The following ATP8A1 variants were observed in gnomAD, a reference collection of about 807,000 sequenced individuals.
The protein encoded by ATP8A1 is ATPase phospholipid transporting 8A1.
Under a neutral mutation model 177.7 loss-of-function variants are expected in ATP8A1, and 90 were observed. The ratio of observed to expected loss-of-function variants is 0.51; its 90% CI spans 0.43 to 0.60. The LOEUF (loss-of-function observed/expected upper bound fraction) is 0.60, where lower values mean the gene tolerates loss of function less well. ATP8A1 is among the 20% of genes least tolerant of loss of function. The pLI is 0.00. For synonymous variants in ATP8A1, 493 were observed against 485.9 expected, an observed-to-expected ratio of 1.01 and a Z score of -0.19; for missense variants, 1,072 against 1,392.8, an observed-to-expected ratio of 0.77 and a Z score of 3.67.
At chr4:42,508,950 A>C (rs1447243448) in intron 22 of ATP8A1, among the ~76,000 whole-genome samples, 1 of 152,272 alleles carries the variant, frequency 6.6e-6, no homozygotes, top group African/African-American at 2.4e-5. Context: ...TGAACAATAA[A>C]GTTAACTATA....
chr4:42,489,601 T>C (rs1362485199), intron 24 of ATP8A1, among the ~76,000 whole-genome samples: 2 of 152,238 alleles, frequency 1.3e-5, no homozygotes, highest in Non-Finnish European at 2.9e-5. Flanking sequence ...TTTTAGTTTA[T>C]AGTTTTCTTT....
intron 22 of ATP8A1, among the ~76,000 whole-genome samples, chr4:42,512,771 C>A (rs1725139018): frequency 6.6e-6 from 1 of 152,090 alleles, no homozygotes; most frequent in African/African-American, 2.4e-5. Context: ...GGCCCTACAC[C>A]CAGAATTCCT....
At chr4:42,627,349 TC>T (rs1738217341) in intron 1 of ATP8A1, among the ~76,000 whole-genome samples, 1 of 152,212 alleles carries the variant, frequency 6.6e-6, no homozygotes, top group Non-Finnish European at 1.5e-5. Context: ...ACATCAACTT[TC>T]CATTTCCCCC....
intron 21 of ATP8A1, 50 bp downstream of exon 21, chr4:42,524,711 GTA>G: frequency 8.5e-7 from 1 of 1,172,840 alleles, no homozygotes; most frequent in South Asian, 1.3e-5. Flanking sequence ...GGTATCAGAA[GTA>G]TATGATTTCT....
chr4:42,652,615 G>T (rs1741206477), intron 1 of ATP8A1, among the ~76,000 whole-genome samples: 1 of 151,964 alleles, frequency 6.6e-6, no homozygotes, highest in African/African-American at 2.4e-5. Flanking sequence ...ATCTTAAATT[G>T]TTGCTCCCAT....
chr4:42,443,503 G>A (rs1716858718), intron 33 of ATP8A1, 62 bp downstream of exon 33: 2 of 739,938 alleles, frequency 2.7e-6, no homozygotes, highest in Non-Finnish European at 4.9e-6. Context: ...AACGATTAAG[G>A]TTTGCTAAAA....
At chr4:42,432,163 G>A (rs1351677506) in intron 33 of ATP8A1, among the ~76,000 whole-genome samples, 1 of 152,028 alleles carries the variant, frequency 6.6e-6, no homozygotes, top group Admixed American at 6.5e-5. Context: ...AATCTCAGTG[G>A]ACTGGAAGAT....
intron 1 of ATP8A1, among the ~76,000 whole-genome samples, chr4:42,641,128 A>G (rs1739942052): frequency 6.6e-6 from 1 of 152,072 alleles, no homozygotes; most frequent in Non-Finnish European, 1.5e-5. Flanking sequence ...CAATGACAGG[A>G]TAAGGACACA....
intron 36 of ATP8A1, among the ~76,000 whole-genome samples, chr4:42,413,994 G>A (rs146582478): frequency 5.3e-5 from 8 of 152,356 alleles, no homozygotes; most frequent in African/African-American, 1.7e-4. Context: ...ATAAGGAATG[G>A]CCCCCAAGGG....
chr4:42,577,413 G>A (rs1487821804), intron 12 of ATP8A1, among the ~76,000 whole-genome samples: 3 of 152,030 alleles, frequency 2.0e-5, no homozygotes, highest in Non-Finnish European at 4.4e-5. Flanking sequence ...TAGATAATTC[G>A]CTACAAGAAG....
Position 42,655,630 on chromosome 4 carries a change from C to T in ATP8A1, c.49+1195G>A, listed in dbSNP as rs577324635. Among the ~76,000 whole-genome samples the T allele has an allele frequency of 8.6e-4, 131 of 152,238 alleles. 1 individual carries two copies. Among genetic ancestry groups the T allele is most frequent in the South Asian group, 5.8e-3 (28 of 4,824 alleles). On this transcript the variant is annotated intron_variant, in intron 1 of 36. Coordinates refer to ENST00000381668, the MANE Select transcript of ATP8A1 (RefSeq NM_006095.2). ...GGGTATTACAAATGACAGCATGTACCGAATTCCTATGTAGTACACAGGCCA... is the reference window on the plus strand; with the variant it reads ...GGGTATTACAAATGACAGCATGTACTGAATTCCTATGTAGTACACAGGCCA...
intron 5 of ATP8A1, among the ~76,000 whole-genome samples, chr4:42,615,159 C>T (rs1419894027): frequency 6.6e-6 from 1 of 152,114 alleles, no homozygotes; most frequent in Non-Finnish European, 1.5e-5. Flanking sequence ...TAATAAAATA[C>T]TCTCAGTAAA....
intron 5 of ATP8A1, among the ~76,000 whole-genome samples, chr4:42,601,386 GCA>G (rs200141391): frequency 7.1e-6 from 1 of 141,520 alleles, no homozygotes; most frequent in Non-Finnish European, 1.6e-5. Flanking sequence ...AAAAAAAAAG[GCA>G]GAAGAAGAGG....
rs568836845 is a variant in ATP8A1 at position 42,593,256 on chromosome 4, T to C, written c.451-2372A>G. 3.3e-5 allele frequency among the ~76,000 whole-genome samples: 5 copies of C among 152,216 alleles called. No homozygotes were observed. In the South Asian group the frequency reaches 6.2e-4, roughly 19 times the overall value. On this transcript the variant is annotated intron_variant, in intron 6 of 36. Coordinates refer to ENST00000381668, the MANE Select transcript of ATP8A1 (RefSeq NM_006095.2). ...AAGCTAATTCTGAAGACGCCAAGAA[T>C]GGACGGTTAGCTTCACTCAGTTTTA...
intron 7 of ATP8A1, 160 bp from the exon 8 acceptor site, chr4:42,588,489 G>A (rs1733848454): frequency 5.1e-6 from 3 of 587,210 alleles, no homozygotes; most frequent in Non-Finnish European, 8.7e-6. Flanking sequence ...GATGCTGTGA[G>A]GCAGAACCCA....
intron 24 of ATP8A1, among the ~76,000 whole-genome samples, chr4:42,488,041 G>T (rs1372563686): frequency 6.6e-6 from 1 of 152,152 alleles, no homozygotes; most frequent in Non-Finnish European, 1.5e-5. Flanking sequence ...TTAAAGAAGT[G>T]AAAAATGTTG....
chr4:42,600,398 T>C lies in ATP8A1; in HGVS notation c.450+80A>G, dbSNP rs536017059. ...TAGTAAAATTCTTCACATTTGCTCA[T>C]ATTATACAAAAAATTATATATACTA... On this transcript the variant is annotated intron_variant, in intron 6 of 36. Transcript: ENST00000381668. 30 of 1,142,638 alleles carry C rather than the reference T, an allele frequency of 2.6e-5. No homozygotes were observed. The African/African-American group carries it at 2.9e-4, about 11-fold the overall frequency. The allele number at this position is 1,142,638 out of a possible 1,614,324, so 70.8% of individuals were successfully genotyped here. A position where few individuals can be genotyped will look rare whatever the true frequency, so the allele number is the denominator to read the frequency against.
chr4:42,510,137 C>A lies in ATP8A1; in HGVS notation c.1948-2983G>T, dbSNP rs914563804. On this transcript the variant is annotated intron_variant, in intron 22 of 36. Coordinates refer to ENST00000381668, the MANE Select transcript of ATP8A1 (RefSeq NM_006095.2). ...ACAAAAATACTGCTGCAATCTAGAC[C>A]ATTTTCTTTTCAATATATTCCAAAT... is the stretch of plus-strand genomic sequence containing the variant. Among the ~76,000 whole-genome samples, 6 of 152,212 alleles carry A rather than the reference C, an allele frequency of 3.9e-5. No homozygotes were observed. The South Asian group carries it at 1.2e-3, about 32-fold the overall frequency.
At chr4:42,497,457 T>G (rs1267778068) in intron 24 of ATP8A1, among the ~76,000 whole-genome samples, 3 of 152,190 alleles carry the variant, frequency 2.0e-5, no homozygotes, top group Non-Finnish European at 4.4e-5. Flanking sequence ...GGCAGACTAG[T>G]TAGAAAGCAT....
Sources: gnomAD v4.1 joint callset for allele counts (sites outside exome capture counted in the v4.1 genomes callset) on GRCh38, gnomAD v4.1.1 for gene constraint, MANE v1.5 for transcripts, NCBI Gene and HGNC (gene_info 2026-07-23, HGNC 2026-07-21) for gene names.